EFNA5: variants seen among roughly 807,000 people sequenced by gnomAD.
EFNA5 encodes the protein ephrin-A5.
Under a neutral mutation model 22.9 loss-of-function variants are expected in EFNA5, and 5 were observed. The ratio of observed to expected loss-of-function variants is 0.22; its 90% CI spans 0.11 to 0.46. EFNA5 has a LOEUF of 0.46. EFNA5 is among the 20% of genes least tolerant of loss of function. The probability of loss-of-function intolerance (pLI) is 0.99; values close to 1 mark genes in which losing one functional copy is unlikely to be tolerated. For missense variants in EFNA5, 237 were observed against 293.3 expected, an observed-to-expected ratio of 0.81 and a Z score of 1.40; for synonymous variants, 113 against 112.2, an observed-to-expected ratio of 1.01 and a Z score of -0.04.
intron 1 of EFNA5, among the ~76,000 whole-genome samples, chr5:107,650,725 A>C (rs971993029): frequency 6.6e-6 from 1 of 152,198 alleles, no homozygotes; most frequent in Non-Finnish European, 1.5e-5. Context: ...ACTTTTATTC[A>C]GGGAATATCC....
At chr5:107,652,984 T>C (rs76419334) in intron 1 of EFNA5, among the ~76,000 whole-genome samples, 3 of 151,986 alleles carry the variant, frequency 2.0e-5, no homozygotes, top group African/African-American at 7.2e-5. Flanking sequence ...CCCTCACCCA[T>C]CTGATGCCCC....
intron 4 of EFNA5, among the ~76,000 whole-genome samples, chr5:107,385,322 A>C (rs545286257): frequency 6.6e-5 from 10 of 152,296 alleles, no homozygotes; most frequent in African/African-American, 2.4e-4. Flanking sequence ...TCATTACCAG[A>C]GAAAAATATG....
intron 1 of EFNA5, among the ~76,000 whole-genome samples, chr5:107,499,056 G>A (rs1358574775): frequency 2.0e-5 from 3 of 152,070 alleles, no homozygotes; most frequent in Admixed American, 2.0e-4. Flanking sequence ...ACAGACACCT[G>A]CTTTGCTCTC....
chr5:107,475,199 T>C (rs965955231), intron 1 of EFNA5, among the ~76,000 whole-genome samples: 1 of 152,256 alleles, frequency 6.6e-6, no homozygotes, highest in Non-Finnish European at 1.5e-5. Flanking sequence ...CTGTAAGTTA[T>C]ACGATATTAA....
At chr5:107,391,095 G>A in intron 2 of EFNA5, among the ~76,000 whole-genome samples, 1 of 152,186 alleles carries the variant, frequency 6.6e-6, no homozygotes, top group Non-Finnish European at 1.5e-5. Flanking sequence ...GGAGGCAGAG[G>A]TTGCAGTGAG....
At chr5:107,381,509 C>G in intron 4 of EFNA5, 133 bp from the exon 5 acceptor site, 1 of 1,008,296 alleles carries the variant, frequency 9.9e-7, no homozygotes, top group East Asian at 2.7e-5. Flanking sequence ...CATTGACTTT[C>G]ATGTCTGCAT....
intron 1 of EFNA5, among the ~76,000 whole-genome samples, chr5:107,506,478 A>G (rs1271064770): frequency 6.6e-6 from 1 of 152,230 alleles, no homozygotes; most frequent in African/African-American, 2.4e-5. Flanking sequence ...GGGTGAAGAT[A>G]GGGCTCAAAC....
intron 1 of EFNA5, among the ~76,000 whole-genome samples, chr5:107,624,108 C>CCCTAGTTT (rs1345989595): frequency 2.6e-5 from 4 of 151,966 alleles, no homozygotes; most frequent in Admixed American, 1.3e-4. Flanking sequence ...CTAAGTGTCA[C>CCCTAGTTT]CCTAGTTTTG....
intron 2 of EFNA5, among the ~76,000 whole-genome samples, chr5:107,393,226 T>C (rs1747833479): frequency 1.3e-5 from 2 of 152,178 alleles, no homozygotes; most frequent in Non-Finnish European, 2.9e-5. Context: ...CTTTTCTTAC[T>C]ACCAAAAAAC....
intron 1 of EFNA5, among the ~76,000 whole-genome samples, chr5:107,512,702 T>C (rs1249983940): frequency 3.3e-5 from 5 of 151,876 alleles, no homozygotes; most frequent in Admixed American, 3.3e-4. Flanking sequence ...CAAGCAGCAA[T>C]CACCGAGAAT....
At chr5:107,618,334 T>C (rs55712495) in intron 1 of EFNA5, among the ~76,000 whole-genome samples, 1,571 of 152,358 alleles carry the variant, frequency 0.01, 34 homozygotes, top group African/African-American at 0.034. Context: ...ATTCATTATA[T>C]GAACTTGTGA....
intron 2 of EFNA5, among the ~76,000 whole-genome samples, chr5:107,417,454 T>C (rs553301275): frequency 1.3e-5 from 2 of 152,328 alleles, no homozygotes; most frequent in African/African-American, 4.8e-5. Context: ...AAAAGAAGCC[T>C]GTTGCCAAAG....
chr5:107,483,854 T>C (rs544458578), intron 1 of EFNA5, among the ~76,000 whole-genome samples: 2 of 152,320 alleles, frequency 1.3e-5, no homozygotes, highest in African/African-American at 2.4e-5. Flanking sequence ...ATTATTCATC[T>C]GGTGGGTGAT....
chr5:107,598,083 T>A (rs1471314298), intron 1 of EFNA5, among the ~76,000 whole-genome samples: 1 of 152,126 alleles, frequency 6.6e-6, no homozygotes, highest in African/African-American at 2.4e-5. Flanking sequence ...TAATAGAAAA[T>A]CATAAAGTAA....
chr5:107,664,733 G>C (rs1035985313), intron 1 of EFNA5, among the ~76,000 whole-genome samples: 3 of 152,122 alleles, frequency 2.0e-5, no homozygotes, highest in African/African-American at 7.2e-5. Flanking sequence ...GTTGTCCTGG[G>C]TAAGAGGCAA....
In EFNA5 at chr5:107,590,480, C is replaced by T. The variant is rs192976758; in HGVS notation, c.125+80009G>A. On this transcript the variant is annotated intron_variant, in intron 1 of 4. Coordinates refer to ENST00000333274, the MANE Select transcript of EFNA5 (RefSeq NM_001962.3). Reference sequence around the variant, plus strand: ...TCACAGCTCACTCAGCCTCAACCTCCTGGGCTCAAGTAATCCTTCTGCCTC... The same window carrying T: ...TCACAGCTCACTCAGCCTCAACCTCTTGGGCTCAAGTAATCCTTCTGCCTC... Among the ~76,000 whole-genome samples the T allele has an allele frequency of 1.1e-4, 17 of 152,172 alleles. No individual in the cohort carries two copies. In the East Asian group the frequency reaches 2.9e-3, roughly 26 times the overall value.
Position 107,380,373 on chromosome 5 carries a change from T to TAAAAAAAAAAA in EFNA5, c.*881_*882insTTTTTTTTTTT, listed in dbSNP as rs1747407184. The TAAAAAAAAAAA allele has an allele frequency of 7.2e-5, 3 of 41,586 alleles. 1 individual carries two copies. The highest frequency in any genetic ancestry group is 1.3e-4 in the Non-Finnish European group (3 of 22,308). 2.6% of individuals were successfully genotyped at this position (41,586 alleles called of 1,614,324 possible). A position where few individuals can be genotyped will look rare whatever the true frequency, so the allele number is the denominator to read the frequency against. On this transcript the variant is annotated 3_prime_UTR_variant, in exon 5 of 5. Transcript: ENST00000333274. Reference sequence around the variant, plus strand: ...TCATAAAAATGCCTCTTTGAGTTTCTTAAAAAAAAAAAAAAAAAAAAAAAA... The same window carrying TAAAAAAAAAAA: ...TCATAAAAATGCCTCTTTGAGTTTCTAAAAAAAAAAATAAAAAAAAAAAAAAAAAAAAAAAA...
intron 2 of EFNA5, among the ~76,000 whole-genome samples, chr5:107,416,393 ATGGGTTCAAATCC>A (rs1748505395): frequency 6.6e-6 from 1 of 152,170 alleles, no homozygotes; most frequent in South Asian, 2.1e-4. Context: ...GTCAAACTAC[ATGGGTTCAAATCC>A]TGACCCCAGT....
intron 1 of EFNA5, among the ~76,000 whole-genome samples, chr5:107,489,399 G>A (rs1236251621): frequency 6.6e-6 from 1 of 151,840 alleles, no homozygotes; most frequent in Admixed American, 6.6e-5. Flanking sequence ...TCAAAATCCT[G>A]ACCTCAGGTG....
Sources: allele counts gnomAD v4.1 joint callset (sites outside exome capture counted in the v4.1 genomes callset), GRCh38; gene constraint gnomAD v4.1.1; transcripts MANE v1.5; gene names NCBI Gene and HGNC (gene_info 2026-07-23, HGNC 2026-07-21).